SCFD1: variants seen among roughly 807,000 people sequenced by gnomAD.
The protein encoded by SCFD1 is sec1 family domain containing 1.
A neutral mutation model predicts 103.2 loss-of-function variants in SCFD1; 37 were observed. That is an observed-to-expected ratio of 0.36 (90% CI 0.28 to 0.47). SCFD1 has a LOEUF of 0.47. Among genes scored for constraint, SCFD1 ranks in the 20% least tolerant of loss-of-function variants. SCFD1 has a pLI of 1.00. For missense variants in SCFD1, 639 were observed against 761.2 expected, an observed-to-expected ratio of 0.84 and a Z score of 1.89; for synonymous variants, 264 against 245.0, an observed-to-expected ratio of 1.08 and a Z score of -0.73.
chr14:30,658,426 C>T (rs1245027029), intron 10 of SCFD1: 1 of 153,346 alleles, frequency 6.5e-6, no homozygotes, highest in Non-Finnish European at 1.4e-5. Context: ...GGAGTCTTGC[C>T]CCGTCGCCCC....
intron 19 of SCFD1, among the ~76,000 whole-genome samples, chr14:30,714,383 A>AT (rs1314184416): frequency 0.011 from 1,698 of 151,582 alleles, 31 homozygotes; most frequent in African/African-American, 0.039. Flanking sequence ...AAAAGGTAAA[A>AT]TTTTGAGCCA....
At chr14:30,666,079 C>T (rs1375756900) in intron 10 of SCFD1, among the ~76,000 whole-genome samples, 1 of 152,154 alleles carries the variant, frequency 6.6e-6, no homozygotes, top group African/African-American at 2.4e-5. Context: ...CAGAACTCTC[C>T]ACCCCAAATC....
chr14:30,667,965 C>A (rs202128499), intron 10 of SCFD1, among the ~76,000 whole-genome samples: 1 of 151,984 alleles, frequency 6.6e-6, no homozygotes, highest in Non-Finnish European at 1.5e-5. Context: ...ATCGTGAAAA[C>A]GGCCATACTG....
At chr14:30,694,400 C>A (rs1384949844) in intron 14 of SCFD1, among the ~76,000 whole-genome samples, 2 of 152,056 alleles carry the variant, frequency 1.3e-5, no homozygotes, top group African/African-American at 2.4e-5. Context: ...AAGCCAGGCA[C>A]AGTTGCTCAC....
chr14:30,647,444 C>A (rs1275598384), intron 7 of SCFD1, among the ~76,000 whole-genome samples: 1 of 151,418 alleles, frequency 6.6e-6, no homozygotes, highest in East Asian at 1.9e-4. Context: ...TGCTTGAGTT[C>A]TTTCTCCTGT....
At chr14:30,689,862 G>A (rs1341186205) in intron 14 of SCFD1, among the ~76,000 whole-genome samples, 5 of 138,128 alleles carry the variant, frequency 3.6e-5, no homozygotes, top group African/African-American at 1.1e-4. Flanking sequence ...GAGGAACTGC[G>A]TTCCTTTGGA....
At chr14:30,636,465 C>T (rs1050544728) in intron 4 of SCFD1, among the ~76,000 whole-genome samples, 6 of 151,956 alleles carry the variant, frequency 3.9e-5, no homozygotes, top group East Asian at 3.8e-4. Context: ...GTTGTCCCAG[C>T]GTAATTTATT....
intron 21 of SCFD1, 120 bp from the exon 22 acceptor site, chr14:30,721,764 T>G: frequency 2.5e-6 from 2 of 814,910 alleles, no homozygotes; most frequent in South Asian, 1.6e-5. Flanking sequence ...TCTAAGAAGG[T>G]GAAGGAGGTA....
intron 5 of SCFD1, among the ~76,000 whole-genome samples, chr14:30,639,176 G>C (rs1340999091): frequency 6.6e-6 from 1 of 152,028 alleles, no homozygotes; most frequent in Non-Finnish European, 1.5e-5. Context: ...ACCCCACCCA[G>C]CTAATTTTTT....
intron 14 of SCFD1, among the ~76,000 whole-genome samples, chr14:30,692,112 A>C (rs1007697644): frequency 4.6e-5 from 7 of 152,086 alleles, no homozygotes; most frequent in Non-Finnish European, 8.8e-5. Flanking sequence ...ATGCAGTCAC[A>C]AAATACTAGA....
intron 5 of SCFD1, 110 bp downstream of exon 5, chr14:30,638,357 A>G (rs1194453797): frequency 1.3e-5 from 19 of 1,479,346 alleles, no homozygotes; most frequent in Admixed American, 2.0e-5. Flanking sequence ...GAACAACAGA[A>G]TTGTTTAGGC....
At chr14:30,634,103 C>A (rs1031498285) in intron 4 of SCFD1, 66 bp downstream of exon 4, 1 of 885,946 alleles carries the variant, frequency 1.1e-6, no homozygotes, top group Non-Finnish European at 1.8e-6. Flanking sequence ...AAGAAAAATT[C>A]CTAGATGTCC....
intron 7 of SCFD1, among the ~76,000 whole-genome samples, chr14:30,647,246 A>G (rs1256702557): frequency 2.0e-5 from 3 of 152,162 alleles, no homozygotes. Flanking sequence ...CTAGATTAAT[A>G]AAATATGTCA....
At chr14:30,628,375 C>G in intron 2 of SCFD1, 96 bp downstream of exon 2, 1 of 722,500 alleles carries the variant, frequency 1.4e-6, no homozygotes, top group East Asian at 2.6e-5. Flanking sequence ...AGAAGTAACA[C>G]ATATTAGTTA....
intron 6 of SCFD1, among the ~76,000 whole-genome samples, chr14:30,643,108 G>A (rs1885450010): frequency 6.6e-6 from 1 of 152,140 alleles, no homozygotes; most frequent in Admixed American, 6.5e-5. Flanking sequence ...AGGAGGTTGA[G>A]GCTGCAGTAA....
Position 30,647,227 on chromosome 14 carries a change from A to G in SCFD1, c.614-2301A>G, listed in dbSNP as rs148478550. Among the ~76,000 whole-genome samples, 5 of 152,284 alleles carry G rather than the reference A, an allele frequency of 3.3e-5. No individual in the cohort carries two copies. In the East Asian group the frequency reaches 9.6e-4, roughly 29 times the overall value. On this transcript the variant is annotated intron_variant, in intron 7 of 24. Transcript: ENST00000458591. ...CACTTAAAACCTTTTTGTTAAAATG[A>G]TTCTCACACTAGATTAATAAAATAT...
At chr14:30,695,015 A>C in intron 15 of SCFD1, 146 bp downstream of exon 15, 1 of 1,427,202 alleles carries the variant, frequency 7.0e-7, no homozygotes, top group South Asian at 1.5e-5. Context: ...TTCTGGTAAA[A>C]TTTTATAACT....
At chr14:30,678,847 C>G (rs1477743249) in intron 14 of SCFD1, among the ~76,000 whole-genome samples, 2 of 152,156 alleles carry the variant, frequency 1.3e-5, no homozygotes, top group Non-Finnish European at 2.9e-5. Flanking sequence ...TTAATTGTTA[C>G]TGGATCCTCA....
chr14:30,682,932 C>A, intron 14 of SCFD1: 1 of 429,292 alleles, frequency 2.3e-6, no homozygotes, highest in Admixed American at 4.3e-5. Context: ...AAGACAAAAA[C>A]AAAAATAATA....
Sources: gnomAD v4.1 joint callset for allele counts (sites outside exome capture counted in the v4.1 genomes callset) on GRCh38, gnomAD v4.1.1 for gene constraint, MANE v1.5 for transcripts, NCBI Gene and HGNC (gene_info 2026-07-23, HGNC 2026-07-21) for gene names.